Variants in NHS observed in about 807,000 individuals in gnomAD.
NHS encodes the protein NHS actin remodeling regulator.
In NHS, 5 loss-of-function variants were observed where a neutral mutation model predicts 72.5. That is an observed-to-expected ratio of 0.07 (90% CI 0.04 to 0.14). The LOEUF is 0.14. NHS is among the 10% of genes least tolerant of loss of function. The pLI is 1.00. For missense variants in NHS, 1,072 were observed against 1,355.7 expected, an observed-to-expected ratio of 0.79 and a Z score of 3.29; for synonymous variants, 464 against 547.7, an observed-to-expected ratio of 0.85 and a Z score of 2.13.
At chrX:17,695,488 C>T (rs1292430939) in intron 3 of NHS, among the ~76,000 whole-genome samples, 4 of 111,408 alleles carry the variant, frequency 3.6e-5, no homozygotes, top group Non-Finnish European at 3.8e-5. Context: ...AGTATAATCT[C>T]AAAAAATGTC....
chrX:17,654,160 CCCT>C (rs1231280704), intron 1 of NHS, among the ~76,000 whole-genome samples: 1 of 112,039 alleles, frequency 8.9e-6, no homozygotes, highest in African/African-American at 3.2e-5. Context: ...TCGTCCATCC[CCCT>C]GTTTCTGAGA....
At chrX:17,523,344 GA>G (rs1268445611) in intron 1 of NHS, among the ~76,000 whole-genome samples, 1 of 112,008 alleles carries the variant, frequency 8.9e-6, no homozygotes, top group East Asian at 2.8e-4. Flanking sequence ...CAGCAATTAG[GA>G]AACTCAGCAG....
chrX:17,615,769 T>G (rs1169887496), intron 1 of NHS, among the ~76,000 whole-genome samples: 1 of 105,362 alleles, frequency 9.5e-6, no homozygotes. Context: ...TTACATCATC[T>G]GCACTGCCCA....
intron 1 of NHS, among the ~76,000 whole-genome samples, chrX:17,448,468 G>A (rs1035424556): frequency 7.2e-5 from 8 of 111,885 alleles, no homozygotes; most frequent in Non-Finnish European, 1.3e-4. Flanking sequence ...TTTCATGAAT[G>A]CCCACTGTGG....
intron 1 of NHS, among the ~76,000 whole-genome samples, chrX:17,561,842 G>C (rs1194632903): frequency 9.2e-6 from 1 of 109,273 alleles, no homozygotes; most frequent in Non-Finnish European, 1.9e-5. Context: ...AATGTTGAAA[G>C]GTCTTAAGGG....
At chrX:17,450,172 C>T (rs1341095811) in intron 1 of NHS, among the ~76,000 whole-genome samples, 2 of 111,519 alleles carry the variant, frequency 1.8e-5, no homozygotes, top group Non-Finnish European at 3.8e-5. Flanking sequence ...ACACTACGTA[C>T]CAGGATTCTC....
intron 3 of NHS, among the ~76,000 whole-genome samples, chrX:17,718,947 A>AGAAGGAGGGAAG (rs772748630): frequency 2.2e-5 from 2 of 92,162 alleles, no homozygotes; most frequent in Non-Finnish European, 4.4e-5. Context: ...GAAGGAAGGA[A>AGAAGGAGGGAAG]GAAGGAGGGA....
intron 1 of NHS, among the ~76,000 whole-genome samples, chrX:17,614,295 T>A (rs2065726122): frequency 8.9e-6 from 1 of 112,315 alleles, no homozygotes; most frequent in African/African-American, 3.2e-5. Flanking sequence ...CAACCATAAA[T>A]GCTGGAATTA....
chrX:17,484,325 G>A (rs2064958943), intron 1 of NHS, among the ~76,000 whole-genome samples: 1 of 112,107 alleles, frequency 8.9e-6, no homozygotes, highest in African/African-American at 3.2e-5. Context: ...CTTGCTTGCT[G>A]TCTTCCTCCT....
intron 1 of NHS, among the ~76,000 whole-genome samples, chrX:17,554,843 CTTTTTTTTT>C (rs1269853311): frequency 1.8e-5 from 2 of 109,100 alleles, no homozygotes; most frequent in African/African-American, 6.8e-5. Flanking sequence ...TCTTTTTTTT[CTTTTTTTTT>C]CTTTTTTAAA....
chrX:17,714,347 C>G (rs924278582), intron 3 of NHS, among the ~76,000 whole-genome samples: 1 of 110,864 alleles, frequency 9.0e-6, no homozygotes, highest in African/African-American at 3.3e-5. Flanking sequence ...TGAATGAATG[C>G]CTAACACACC....
chrX:17,506,256 C>T (rs982270007), intron 1 of NHS, among the ~76,000 whole-genome samples: 7 of 110,494 alleles, frequency 6.3e-5, no homozygotes, highest in African/African-American at 1.3e-4. Context: ...TGGCTGGGTG[C>T]GGTGGCTCAC....
At chrX:17,406,267 C>A (rs952198880) in intron 1 of NHS, among the ~76,000 whole-genome samples, 1 of 111,577 alleles carries the variant, frequency 9.0e-6, no homozygotes, top group African/African-American at 3.3e-5. Flanking sequence ...CTTTTCCTCT[C>A]CTGCCATTTC....
rs1269122568 is a variant in NHS, at chrX:17,732,791, A to G, written c.*327A>G. 6.4e-5 allele frequency: 16 copies of G among 250,431 alleles called. No homozygotes were observed. In the South Asian group the frequency reaches 6.6e-4, roughly 10 times the overall value. 20.6% of individuals were successfully genotyped at this position (250,431 alleles called of 1,213,427 possible). ...AGAAAACGTTTTCCCAGAGCTGCCT[A>G]TTCAGAAACTAAAGCCCTCACTGTC... On this transcript the variant is annotated 3_prime_UTR_variant, in exon 9 of 9. Transcript: ENST00000676302.
chrX:17,683,644 G>T (rs950472797), intron 1 of NHS, among the ~76,000 whole-genome samples: 27 of 111,607 alleles, frequency 2.4e-4, no homozygotes, highest in Non-Finnish European at 1.5e-4. Flanking sequence ...AATGCACCTG[G>T]CTTAGAACTT....
At chrX:17,659,511 G>A (rs2065973039) in intron 1 of NHS, among the ~76,000 whole-genome samples, 1 of 111,656 alleles carries the variant, frequency 9.0e-6, no homozygotes, top group Admixed American at 9.5e-5. Flanking sequence ...CTGGTTTATG[G>A]CAGGGCTGAA....
chrX:17,429,528 C>T (rs776995673), intron 1 of NHS, among the ~76,000 whole-genome samples: 23 of 111,017 alleles, frequency 2.1e-4, no homozygotes, highest in Non-Finnish European at 4.1e-4. Flanking sequence ...AATCTTTTAT[C>T]GTCTGTTAGG....
intron 1 of NHS, among the ~76,000 whole-genome samples, chrX:17,451,532 A>T (rs766746306): frequency 8.9e-6 from 1 of 112,433 alleles, no homozygotes; most frequent in South Asian, 3.7e-4. Context: ...TTAGGTCCGT[A>T]TCATCAGCTC....
intron 3 of NHS, among the ~76,000 whole-genome samples, chrX:17,716,360 T>G (rs956239239): frequency 8.9e-6 from 1 of 112,514 alleles, no homozygotes; most frequent in African/African-American, 3.2e-5. Context: ...TCTGACGGTG[T>G]GATTTTTTGA....
Sources: gnomAD v4.1 joint callset for allele counts (sites outside exome capture counted in the v4.1 genomes callset) on GRCh38, gnomAD v4.1.1 for gene constraint, MANE v1.5 for transcripts, NCBI Gene and HGNC (gene_info 2026-07-23, HGNC 2026-07-21) for gene names.